ERO1B: variants seen among roughly 807,000 people sequenced by gnomAD.
The protein encoded by ERO1B is ERO1-like protein beta.
A neutral mutation model predicts 75.3 loss-of-function variants in ERO1B; 49 were observed. The observed-to-expected ratio is 0.65, with a 90% CI of 0.52 to 0.83. The LOEUF (loss-of-function observed/expected upper bound fraction) is 0.83, where lower values mean the gene tolerates loss of function less well. Ranked by LOEUF, ERO1B falls within the 40% of genes least tolerant of loss-of-function variation. The probability of loss-of-function intolerance (pLI) is 0.00; values close to 1 mark genes in which losing one functional copy is unlikely to be tolerated. For missense variants in ERO1B, 512 were observed against 560.1 expected, an observed-to-expected ratio of 0.91 and a Z score of 0.87; for synonymous variants, 191 against 192.9, an observed-to-expected ratio of 0.99 and a Z score of 0.08.
intron 2 of ERO1B, among the ~76,000 whole-genome samples, 190 bp from the exon 3 acceptor site, chr1:236,253,695 G>C (rs1188721921): frequency 6.6e-6 from 1 of 152,166 alleles, no homozygotes; most frequent in Non-Finnish European, 1.5e-5. Flanking sequence ...TCCAGACTGG[G>C]TGACAGAGAA....
chr1:236,263,452 G>A (rs1665338978), intron 2 of ERO1B, among the ~76,000 whole-genome samples: 1 of 151,934 alleles, frequency 6.6e-6, no homozygotes, highest in African/African-American at 2.4e-5. Flanking sequence ...GTTTCACTAG[G>A]TTGGCCAGGC....
Position 236,269,050 on chromosome 1 carries a change from T to C in ERO1B, c.222+825A>G, listed in dbSNP as rs189609045. On this transcript the variant is annotated intron_variant, in intron 2 of 15. Transcript: ENST00000354619. Reference sequence around the variant, plus strand: ...AGGAGTTTGAGACCAGCCTGGCCAATATGGCAAAACCCAGTCTGTACTAAA... The same window carrying C: ...AGGAGTTTGAGACCAGCCTGGCCAACATGGCAAAACCCAGTCTGTACTAAA... Among the ~76,000 whole-genome samples, 169 of 152,002 alleles carry C rather than the reference T, an allele frequency of 1.1e-3. 2 individuals carry two copies. The South Asian group carries it at 0.013, about 11-fold the overall frequency.
At chr1:236,229,648 T>G (rs1664354735) in intron 10 of ERO1B, among the ~76,000 whole-genome samples, 1 of 152,184 alleles carries the variant, frequency 6.6e-6, no homozygotes. Context: ...ATATATCCAG[T>G]TATTAACCTG....
rs1023121459 is a variant in ERO1B, at chr1:236,251,962, A to T, written c.348+88T>A. On this transcript the variant is annotated intron_variant, in intron 4 of 15. Transcript: ENST00000354619. ...GTCTCCATTCCCAACTAACCATAAT[A>T]TGGTTCTTTACTACAGCCACTGTCA... is the stretch of plus-strand genomic sequence containing the variant. The T allele has an allele frequency of 1.9e-5, 18 of 969,816 alleles. No individual in the cohort carries two copies. In the Admixed American group the frequency reaches 4.3e-4, roughly 23 times the overall value. The allele number at this position is 969,816 out of a possible 1,614,324, so 60.1% of individuals were successfully genotyped here. A position where few individuals can be genotyped will look rare whatever the true frequency, so the allele number is the denominator to read the frequency against.
At chr1:236,220,003 G>T (rs1664096034) in intron 15 of ERO1B, among the ~76,000 whole-genome samples, 1 of 131,956 alleles carries the variant, frequency 7.6e-6, no homozygotes, top group Admixed American at 8.4e-5. Context: ...CAGCCTGGAT[G>T]ACAGAGCGAG....
intron 1 of ERO1B, among the ~76,000 whole-genome samples, chr1:236,275,585 C>T (rs950603441): frequency 4.6e-5 from 7 of 152,176 alleles, no homozygotes; most frequent in Non-Finnish European, 7.4e-5. Flanking sequence ...AGCTAAATCT[C>T]CAGCACCCAC....
intron 2 of ERO1B, among the ~76,000 whole-genome samples, chr1:236,261,003 T>C (rs1330505988): frequency 7.0e-6 from 1 of 142,310 alleles, no homozygotes; most frequent in Non-Finnish European, 1.6e-5. Context: ...CAAGAGTAGT[T>C]TGATGTACAT....
intron 5 of ERO1B, among the ~76,000 whole-genome samples, chr1:236,247,306 C>A (rs10924860): frequency 0.068 from 10,405 of 152,260 alleles, 746 homozygotes; most frequent in East Asian, 0.39. Flanking sequence ...ATAACTTTGT[C>A]TCAGACTTGC....
At chr1:236,231,126 CTAAAAA>C (rs1664398950) in intron 9 of ERO1B, among the ~76,000 whole-genome samples, 1 of 151,998 alleles carries the variant, frequency 6.6e-6, no homozygotes, top group South Asian at 2.1e-4. Flanking sequence ...TCCAATAAAA[CTAAAAA>C]TATTTCCTCA....
At chr1:236,255,607 T>C (rs930543739) in intron 2 of ERO1B, among the ~76,000 whole-genome samples, 14 of 152,260 alleles carry the variant, frequency 9.2e-5, no homozygotes, top group African/African-American at 2.4e-4. Context: ...AATAGGTAGA[T>C]TGGCAACATA....
At chr1:236,219,115 A>G (rs1210659393) in intron 15 of ERO1B, among the ~76,000 whole-genome samples, 1 of 152,216 alleles carries the variant, frequency 6.6e-6, no homozygotes, top group Non-Finnish European at 1.5e-5. Context: ...AAGTAATTCT[A>G]AAAGCTCAAG....
intron 1 of ERO1B, among the ~76,000 whole-genome samples, chr1:236,279,667 GA>G (rs61064721): frequency 1.9e-3 from 120 of 64,450 alleles, no homozygotes; most frequent in African/African-American, 4.9e-3. Context: ...TGTCTACTGG[GA>G]AAAAAAAAAA....
chr1:236,227,228 G>C (rs1278966290), intron 10 of ERO1B, among the ~76,000 whole-genome samples: 11 of 151,870 alleles, frequency 7.2e-5, no homozygotes, highest in Admixed American at 7.2e-4. Context: ...GCTGAAACTT[G>C]GAAAACAGAA....
chr1:236,225,135 A>G lies in ERO1B; in HGVS notation c.1057T>C (p.Phe353Leu). The part of the protein sequence containing the change: ...LLNIFQDTKS[F>L]PMHFDEKSMF... ...GATTTCTCATCAAAGTGCATGGGAA[A>G]GGACCTGATAAAATGATAGTATTGG... Residue 353 changes from phenylalanine to leucine, a missense_variant, in exon 13 of 16, where the codon TTT (phenylalanine) becomes CTT (leucine). Coordinates refer to ENST00000354619, the MANE Select transcript of ERO1B (RefSeq NM_019891.4). 1 of 1,613,854 alleles carries G rather than the reference A, an allele frequency of 6.2e-7. No individual in the cohort carries two copies. Among genetic ancestry groups the G allele is most frequent in the Non-Finnish European group, 8.5e-7 (1 of 1,179,774 alleles).
At chr1:236,260,039 C>A (rs990218591) in intron 2 of ERO1B, among the ~76,000 whole-genome samples, 1 of 152,004 alleles carries the variant, frequency 6.6e-6, no homozygotes, top group Admixed American at 6.6e-5. Context: ...TCTTATGTGA[C>A]CACACTAACA....
intron 1 of ERO1B, among the ~76,000 whole-genome samples, chr1:236,272,520 G>C (rs1301242819): frequency 6.6e-6 from 1 of 152,062 alleles, no homozygotes; most frequent in Non-Finnish European, 1.5e-5. Context: ...GAGTATACAT[G>C]AACATAAGGA....
chr1:236,236,501 T>C, intron 6 of ERO1B, 103 bp from the exon 7 acceptor site: 1 of 1,286,954 alleles, frequency 7.8e-7, no homozygotes, highest in Non-Finnish European at 1.1e-6. Context: ...AAAAATGTCA[T>C]GCTTTTCAAG....
chr1:236,233,029 G>A (rs1163571452), intron 8 of ERO1B, among the ~76,000 whole-genome samples, 190 bp from the exon 9 acceptor site: 1 of 152,046 alleles, frequency 6.6e-6, no homozygotes, highest in Non-Finnish European at 1.5e-5. Context: ...GCACATTTTG[G>A]CCAGGCGTGG....
intron 2 of ERO1B, among the ~76,000 whole-genome samples, chr1:236,269,203 T>C (rs1189586501): frequency 2.0e-5 from 3 of 152,104 alleles, no homozygotes; most frequent in Non-Finnish European, 4.4e-5. Flanking sequence ...CCACTGCACT[T>C]CAGCCTGGGT....
Sources: allele counts gnomAD v4.1 joint callset (sites outside exome capture counted in the v4.1 genomes callset), GRCh38; gene constraint gnomAD v4.1.1; transcripts MANE v1.5; gene names NCBI Gene and HGNC (gene_info 2026-07-23, HGNC 2026-07-21).